Variants in USP4 observed in about 807,000 individuals in gnomAD.
USP4 encodes ubiquitin specific peptidase 4.
A neutral mutation model predicts 118.2 loss-of-function variants in USP4; 72 were observed. The ratio of observed to expected loss-of-function variants is 0.61; its 90% CI spans 0.50 to 0.74. The LOEUF (loss-of-function observed/expected upper bound fraction) is 0.74. Among genes scored for constraint, USP4 ranks in the 30% least tolerant of loss-of-function variants. USP4 has a pLI of 0.00. For synonymous variants in USP4, 415 were observed against 440.4 expected (o/e 0.94, Z 0.72); for missense variants, 1,037 against 1,185.7 (o/e 0.87, Z 1.84).
chr3:49,305,987 C>A lies in USP4; in HGVS notation c.955-99G>T. On this transcript the variant is annotated intron_variant, in intron 8 of 21. Coordinates refer to ENST00000265560, the MANE Select transcript of USP4 (RefSeq NM_003363.4). The stretch of plus-strand genomic sequence containing the variant: ...AAGGGTCACTGAGGGACAACGCCAA[C>A]AAAATGAGGCACTCAGGAGATTCTC... The A allele has an allele frequency of 4.2e-6, 5 of 1,191,750 alleles. No individual in the cohort carries two copies. In the South Asian group the frequency reaches 8.9e-5, roughly 21 times the overall value. 73.8% of individuals were successfully genotyped at this position (1,191,750 alleles called of 1,614,324 possible).
intron 12 of USP4, 136 bp from the exon 13 acceptor site, chr3:49,298,100 C>T (rs1485108126): frequency 3.1e-6 from 2 of 640,016 alleles, no homozygotes; most frequent in African/African-American, 1.8e-5. Flanking sequence ...ACACAAACAG[C>T]CCCAGAGAGC....
chr3:49,326,082 C>T (rs2047551348), intron 3 of USP4, among the ~76,000 whole-genome samples: 2 of 152,060 alleles, frequency 1.3e-5, no homozygotes, highest in Non-Finnish European at 2.9e-5. Context: ...TCTGGGAGGC[C>T]GAGGTGGGTG....
intron 8 of USP4, among the ~76,000 whole-genome samples, chr3:49,306,990 G>A (rs2047325414): frequency 6.6e-6 from 1 of 151,580 alleles, no homozygotes; most frequent in Non-Finnish European, 1.5e-5. Context: ...CTCCATGTTG[G>A]TCAGCCTGGT....
At chr3:49,317,426 TGTC>T (rs1559475874) in intron 6 of USP4, 4 of 954,110 alleles carry the variant, frequency 4.2e-6, no homozygotes, top group Middle Eastern at 2.1e-4. Flanking sequence ...ACCAGCTTGT[TGTC>T]GTAGTTCTGC....
rs71077786 is a variant in USP4 at position 49,319,599 on chromosome 3, ATGTT to A, written c.695+5099_695+5102del. 7.2e-4 allele frequency among the ~76,000 whole-genome samples: 107 copies of A among 148,988 alleles called. 1 individual carries two copies. Among genetic ancestry groups the A allele is most frequent in the Middle Eastern group, 3.4e-3 (1 of 292 alleles). On this transcript the variant is annotated intron_variant, in intron 6 of 21. Coordinates refer to ENST00000265560, the MANE Select transcript of USP4 (RefSeq NM_003363.4). ...TTTGACACACAATGTATTACTAAAC[ATGTT>A]TGTTTGTTTGTTTGTTTGTTTGTTT...
intron 6 of USP4, among the ~76,000 whole-genome samples, chr3:49,320,499 T>G (rs1030896842): frequency 6.6e-6 from 1 of 152,044 alleles, no homozygotes; most frequent in African/African-American, 2.4e-5. Flanking sequence ...CAGGCTGGAG[T>G]GCAATGATGC....
rs757940548 is a variant in USP4 at position 49,292,576 on chromosome 3, G to A, written c.1906C>T (p.Pro636Ser). The change falls in exon 15 of 22, where the codon CCT (proline) becomes TCT (serine). Residue 636 changes from proline to serine, a missense_variant. By Grantham distance (74) the Pro-to-Ser change is moderately conservative (BLOSUM62 -1). This residue lies in a region of USP4 where 522 missense variants were observed against 592.6 expected (regional missense o/e 0.88). Transcript: ENST00000265560. ...RISRYVKQPL[P>S]DEFGSSPLEP... ...AAGGGTGAGCTGCCAAACTCATCAG[G>A]TAAAGGCTGTTTCACATAGCGGCTT... 6.3e-7 allele frequency: 1 copy of A among 1,596,768 alleles called. No individual in the cohort carries two copies. Among genetic ancestry groups the A allele is most frequent in the Admixed American group, 1.7e-5 (1 of 57,388 alleles).
At position 49,277,332 on chromosome 3, in the gene USP4, C is replaced by A; in HGVS notation, c.*961G>T. On this transcript the variant is annotated 3_prime_UTR_variant, in exon 22 of 22. Transcript: ENST00000265560. Reference sequence around the variant, plus strand: ...TCCTTAAGGCCTTGCCCACACGCAGCGGCTGGCCCCGCGGTGGGAGTGGGG... The same window carrying A: ...TCCTTAAGGCCTTGCCCACACGCAGAGGCTGGCCCCGCGGTGGGAGTGGGG... 1 of 988,542 alleles carries A rather than the reference C, an allele frequency of 1.0e-6. No homozygotes were observed. Among genetic ancestry groups the A allele is most frequent in the Non-Finnish European group, 1.4e-6 (1 of 736,932 alleles). 61.2% of individuals were successfully genotyped at this position (988,542 alleles called of 1,614,324 possible). A position where few individuals can be genotyped will look rare whatever the true frequency, so the allele number is the denominator to read the frequency against.
chr3:49,306,504 T>C (rs2047320137), intron 8 of USP4, among the ~76,000 whole-genome samples: 1 of 150,698 alleles, frequency 6.6e-6, no homozygotes, highest in African/African-American at 2.4e-5. Flanking sequence ...CGCCCAGCCT[T>C]TTTCATTAGT....
At chr3:49,288,455 A>C (rs2107769636) in intron 15 of USP4, among the ~76,000 whole-genome samples, 1 of 152,028 alleles carries the variant, frequency 6.6e-6, no homozygotes, top group South Asian at 2.1e-4. Flanking sequence ...CAGGTGGATC[A>C]CCTGAGGTCA....
chr3:49,281,179 G>A (rs1014463436), intron 19 of USP4, among the ~76,000 whole-genome samples: 12 of 152,116 alleles, frequency 7.9e-5, no homozygotes, highest in South Asian at 2.1e-4. Flanking sequence ...AAATTAGGCC[G>A]CGCACGGTGG....
chr3:49,328,213 C>G (rs2047577429), intron 2 of USP4, among the ~76,000 whole-genome samples: 1 of 151,794 alleles, frequency 6.6e-6, no homozygotes, highest in South Asian at 2.1e-4. Context: ...TAAAAATTAG[C>G]CGGGTGTGGT....
At chr3:49,323,312 G>T (rs1230140356) in intron 6 of USP4, among the ~76,000 whole-genome samples, 1 of 146,734 alleles carries the variant, frequency 6.8e-6, no homozygotes, top group Non-Finnish European at 1.5e-5. Flanking sequence ...ATGGGGTCTT[G>T]CTGTCGCCCA....
intron 6 of USP4, among the ~76,000 whole-genome samples, chr3:49,314,579 GC>G (rs1330381785): frequency 1.3e-5 from 2 of 152,216 alleles, no homozygotes; most frequent in East Asian, 1.9e-4. Context: ...GGTCTGATAT[GC>G]AATGGCAGAC....
intron 15 of USP4, among the ~76,000 whole-genome samples, chr3:49,287,674 T>C (rs1256622450): frequency 6.6e-6 from 1 of 152,178 alleles, no homozygotes; most frequent in Non-Finnish European, 1.5e-5. Context: ...GGTTTCTCCA[T>C]GTTGGCCAAG....
intron 1 of USP4, among the ~76,000 whole-genome samples, chr3:49,339,713 G>A (rs1037572448): frequency 1.3e-5 from 2 of 152,002 alleles, no homozygotes; most frequent in Non-Finnish European, 2.9e-5. Context: ...CGCCCCCTAG[G>A]GCTCCAAATG....
chr3:49,294,730 T>C (rs2047185603), intron 13 of USP4, 132 bp from the exon 14 acceptor site: 2 of 847,698 alleles, frequency 2.4e-6, no homozygotes, highest in Non-Finnish European at 3.6e-6. Context: ...AAGGTGGCTA[T>C]AACTATTGCC....
At position 49,335,523 on chromosome 3, in the gene USP4, C is replaced by T; in HGVS notation, c.175G>A (p.Val59Met). 1 of 1,614,236 alleles carries T rather than the reference C, an allele frequency of 6.2e-7. No homozygotes were observed. Among genetic ancestry groups the T allele is most frequent in the South Asian group, 1.1e-5 (1 of 91,090 alleles). ...VGFDSWDMYN[V>M]GEHNLFPGPI... ...CCAGGAAATAGGTTATGTTCACCCA[C>T]ATTGTACATGTCCCAGCTGTCAAAG... Residue 59 changes from valine (V) to methionine (M), a missense_variant, in exon 2 of 22, where the codon GTG becomes ATG. Transcript: ENST00000265560.
chr3:49,333,713 A>T (rs2047642547), intron 2 of USP4, among the ~76,000 whole-genome samples: 1 of 152,178 alleles, frequency 6.6e-6, no homozygotes, highest in Non-Finnish European at 1.5e-5. Context: ...TCCCTTCATG[A>T]TGCCCCAAAA....
Sources: gnomAD v4.1 joint callset for allele counts (sites outside exome capture counted in the v4.1 genomes callset) on GRCh38, gnomAD v4.1.1 for gene constraint, gnomAD v4.1.1 regional missense constraint, MANE v1.5 for transcripts, NCBI Gene and HGNC (gene_info 2026-07-23, HGNC 2026-07-21) for gene names.